The following SLC45A2 variants were observed in gnomAD, a reference collection of about 807,000 sequenced individuals.
The protein encoded by SLC45A2 is solute carrier family 45 member 2, also known as membrane-associated transporter protein.
In SLC45A2, 36 loss-of-function variants were observed where a neutral mutation model predicts 45.5. That is an observed-to-expected ratio of 0.79 (90% CI 0.61 to 1.04). The LOEUF is 1.04. SLC45A2 is among the 50% of genes least tolerant of loss of function. The probability of loss-of-function intolerance (pLI) is 0.00; values close to 1 mark genes in which losing one functional copy is unlikely to be tolerated. For synonymous variants in SLC45A2, 306 were observed against 269.3 expected (o/e 1.14, Z -1.33); for missense variants, 719 against 671.0 (o/e 1.07, Z -0.79).
Position 33,984,401 on chromosome 5 carries a change from G to C in SLC45A2, c.183C>G (p.Leu61=). 6.2e-7 allele frequency: 1 copy of C among 1,613,452 alleles called. No individual in the cohort carries two copies. Among genetic ancestry groups the C allele is most frequent in the Admixed American group, 1.7e-5 (1 of 59,920 alleles). ...ACAGGCTGCTGGGCAGACCTACGCT[G>C]AGCAGGACTGGGGTCACATACGCTG... ...VEAAYVTPVL[L]SVGLPSSLYS... The change falls in exon 1 of 7, where the codon CTC becomes CTG. Residue 61 remains leucine, a synonymous_variant. Transcript: ENST00000296589.
intron 6 of SLC45A2, 74 bp downstream of exon 6, chr5:33,947,089 A>T (rs1751952262): frequency 6.2e-7 from 1 of 1,613,878 alleles, no homozygotes; most frequent in Non-Finnish European, 8.5e-7. Context: ...TGCTCTACAC[A>T]TTGCTACCAA....
intron 6 of SLC45A2, among the ~76,000 whole-genome samples, chr5:33,945,660 G>A (rs990290248): frequency 2.5e-4 from 37 of 150,750 alleles, no homozygotes; most frequent in African/African-American, 8.9e-4. Flanking sequence ...AGTCTTTGTC[G>A]GGTGCTAGGG....
At chr5:33,978,424 GT>G (rs201132993) in intron 2 of SLC45A2, among the ~76,000 whole-genome samples, 2 of 150,900 alleles carry the variant, frequency 1.3e-5, no homozygotes, top group Non-Finnish European at 3.0e-5. Flanking sequence ...TCCCTTACCA[GT>G]TTTTTTTTAG....
intron 3 of SLC45A2, among the ~76,000 whole-genome samples, chr5:33,961,457 T>C (rs1468280914): frequency 6.6e-6 from 1 of 152,200 alleles, no homozygotes; most frequent in Non-Finnish European, 1.5e-5. Flanking sequence ...ATATGCTTCA[T>C]GCTTTAAAAA....
rs186751005 is a variant in SLC45A2 at position 33,971,777 on chromosome 5, C to T, written c.563-7761G>A. On this transcript the variant is annotated intron_variant, in intron 2 of 6. Transcript: ENST00000296589. ...GAGTAGCTGGGATTACAGGCATGCA[C>T]CCCCATGCCTGGCTAATTTTTGTGT... is the stretch of plus-strand genomic sequence containing the variant. 2.6e-5 allele frequency among the ~76,000 whole-genome samples: 4 copies of T among 152,238 alleles called. No homozygotes were observed. The South Asian group carries it at 6.2e-4, about 24-fold the overall frequency.
chr5:33,956,037 AG>A (rs1224677542), intron 3 of SLC45A2, among the ~76,000 whole-genome samples: 2 of 28,262 alleles, frequency 7.1e-5, no homozygotes, highest in Non-Finnish European at 6.6e-3. Context: ...TGAAGTCCTC[AG>A]GGGCAGACCA....
chr5:33,981,455 T>C (rs577227483), intron 2 of SLC45A2, among the ~76,000 whole-genome samples: 2 of 152,274 alleles, frequency 1.3e-5, no homozygotes, highest in South Asian at 4.1e-4. Flanking sequence ...GACAATCAAA[T>C]AAGGTGGGCT....
chr5:33,960,391 A>ATCTTTTAT lies in SLC45A2; in HGVS notation c.888+3299_888+3300insATAAAAGA, dbSNP rs1446411823. On this transcript the variant is annotated intron_variant, in intron 3 of 6. Transcript: ENST00000296589. ...ATTGTGCTGCTGTAAACGTGTGTGC[A>ATCTTTTAT]GGTATCTTTTATATATATGATGGAA... Among the ~76,000 whole-genome samples the ATCTTTTAT allele has an allele frequency of 9.6e-4, 146 of 152,158 alleles. 1 individual carries two copies. Among genetic ancestry groups the ATCTTTTAT allele is most frequent in the African/African-American group, 3.4e-3 (142 of 41,518 alleles).
intron 3 of SLC45A2, among the ~76,000 whole-genome samples, chr5:33,957,321 A>G (rs888404825): frequency 6.6e-6 from 1 of 152,122 alleles, no homozygotes; most frequent in Non-Finnish European, 1.5e-5. Flanking sequence ...GTCTACTGAG[A>G]TTTTCTATTT....
chr5:33,946,035 T>A (rs1205436094), intron 6 of SLC45A2: 7 of 985,316 alleles, frequency 7.1e-6, no homozygotes, highest in Non-Finnish European at 8.4e-6. Flanking sequence ...ATGAACTCAT[T>A]CTAAGTGCTA....
At position 33,951,597 on chromosome 5, in the gene SLC45A2, A is replaced by G. The variant is rs1298639144; in HGVS notation, c.1113T>C (p.Cys371=). The change falls in exon 5 of 7, where the codon TGT becomes TGC. Residue 371 remains cysteine (C), a synonymous_variant. Coordinates refer to ENST00000296589, the MANE Select transcript of SLC45A2 (RefSeq NM_016180.5). ...LIYERGVEVG[C]WGLCINSVFS... is the part of the protein sequence containing the mutation. ...ACACGGAGTTGATGCACAAGCCCCA[A>G]CATCCAACCTCGACTCCTCTTTCGT... 8.7e-6 allele frequency: 14 copies of G among 1,614,076 alleles called. No homozygotes were observed. Among genetic ancestry groups the G allele is most frequent in the Non-Finnish European group, 1.2e-5 (14 of 1,180,026 alleles).
chr5:33,962,996 A>C (rs1752492773), intron 3 of SLC45A2, among the ~76,000 whole-genome samples: 2 of 152,214 alleles, frequency 1.3e-5, no homozygotes, highest in Non-Finnish European at 1.5e-5. Context: ...TTACATCTGC[A>C]CGTCCTATAT....
chr5:33,984,446 C>T lies in SLC45A2; in HGVS notation c.138G>A (p.Glu46=). 6.2e-7 allele frequency: 1 copy of T among 1,613,866 alleles called. No homozygotes were observed. The highest frequency in any genetic ancestry group is 8.5e-7 in the Non-Finnish European group (1 of 1,179,980). ...ACGCTGCCTCCACCGCGTAGCAGAA[C>T]TCTCTTCCGAACATGGCCATGCTGT... ...IMHSMAMFGR[E]FCYAVEAAYV... Residue 46 remains glutamate, a synonymous_variant, in exon 1 of 7, where the codon GAG becomes GAA. Coordinates refer to ENST00000296589, the MANE Select transcript of SLC45A2 (RefSeq NM_016180.5).
intron 3 of SLC45A2, among the ~76,000 whole-genome samples, chr5:33,960,094 G>T (rs1312955990): frequency 3.3e-5 from 5 of 152,064 alleles, no homozygotes; most frequent in Non-Finnish European, 7.4e-5. Context: ...TCAGAAAAAG[G>T]ATATTACCCA....
intron 2 of SLC45A2, 138 bp downstream of exon 2, chr5:33,982,098 G>C: frequency 2.2e-6 from 2 of 916,406 alleles, no homozygotes; most frequent in Non-Finnish European, 3.5e-6. Flanking sequence ...CGGGGAGACA[G>C]TGCCCGCATG....
In SLC45A2 at chr5:33,978,915, A is replaced by G. The variant is rs76965578; in HGVS notation, c.562+3321T>C. On this transcript the variant is annotated intron_variant, in intron 2 of 6. Coordinates refer to ENST00000296589, the MANE Select transcript of SLC45A2 (RefSeq NM_016180.5). The stretch of plus-strand genomic sequence containing the variant: ...TACTAAAGCTCAGATGAGATGTACT[A>G]AGAGCCTGAATGAAGGTAATATTAA... Among the ~76,000 whole-genome samples the G allele has an allele frequency of 7.5e-3, 1,136 of 152,348 alleles. 14 individuals carry two copies. The highest frequency in any genetic ancestry group is 0.026 in the African/African-American group (1,076 of 41,580).
intron 2 of SLC45A2, among the ~76,000 whole-genome samples, chr5:33,979,827 C>A (rs866740606): frequency 3.3e-5 from 5 of 152,098 alleles, no homozygotes; most frequent in African/African-American, 1.2e-4. Context: ...TGACCTTGGC[C>A]GAGAGGAAGG....
chr5:33,981,089 G>A (rs1753059885), intron 2 of SLC45A2, among the ~76,000 whole-genome samples: 1 of 152,168 alleles, frequency 6.6e-6, no homozygotes, highest in South Asian at 2.1e-4. Flanking sequence ...CAAAGGTGAG[G>A]CAGGGGAAGT....
Position 33,984,224 on chromosome 5 carries a change from G to GC in SLC45A2, c.359_360insG (p.Tyr120Ter). 1 of 1,614,074 alleles carries GC rather than the reference G, an allele frequency of 6.2e-7. No homozygotes were observed. ...CTGCTACAACAGTAGCCCCATTGAG[G>GC]TACAGAGCCATGCCCACGAGCATCA... is the stretch of plus-strand genomic sequence containing the variant. ...GVMMLVGMALYLNGATVVAAL... is the reference protein window; with the variant it reads ...GVMMLVGMAL Residue 120 changes from tyrosine (Y) to a stop codon, truncating the protein, a stop_gained and frameshift_variant, in exon 1 of 7, where the codon TAC (tyrosine) becomes TAGC (stop). Transcript: ENST00000296589. LOFTEE classifies it high-confidence loss of function.
Sources: gnomAD v4.1 joint callset for allele counts (sites outside exome capture counted in the v4.1 genomes callset) on GRCh38, gnomAD v4.1.1 for gene constraint, MANE v1.5 for transcripts, NCBI Gene and HGNC (gene_info 2026-07-23, HGNC 2026-07-21) for gene names.